The following CS variants were observed in gnomAD, a reference collection of about 807,000 sequenced individuals.
CS encodes citrate synthase, mitochondrial.
Under a neutral mutation model 61.4 loss-of-function variants are expected in CS, and 13 were observed. The ratio of observed to expected loss-of-function variants is 0.21; its 90% CI spans 0.14 to 0.34. The LOEUF (loss-of-function observed/expected upper bound fraction) is 0.34. Among genes scored for constraint, CS ranks in the 10% least tolerant of loss-of-function variants. The probability of loss-of-function intolerance (pLI) is 1.00; values close to 1 mark genes in which losing one functional copy is unlikely to be tolerated. For missense variants in CS, 278 were observed against 573.4 expected, an observed-to-expected ratio of 0.48 and a Z score of 5.26; for synonymous variants, 159 against 215.2, an observed-to-expected ratio of 0.74 and a Z score of 2.29.
At position 56,282,886 on chromosome 12, in the gene CS, T is replaced by C; in HGVS notation, c.373A>G (p.Thr125Ala). The change falls in exon 5 of 11, where the codon ACT (threonine) becomes GCT (alanine). Residue 125 changes from threonine (T) to alanine (A), a missense_variant. Coordinates refer to ENST00000351328, the MANE Select transcript of CS (RefSeq NM_004077.3). ...LPEGLFWLLV[T>A]GHIPTEEQVS... is the part of the protein sequence containing the mutation. ...TGTTCCTCTGTTGGGATATGTCCAG[T>C]TACCAGCAGCCAAAATAAGCCCTCA... 6.2e-7 allele frequency: 1 copy of C among 1,614,198 alleles called. No homozygotes were observed. Among genetic ancestry groups the C allele is most frequent in the Non-Finnish European group, 8.5e-7 (1 of 1,180,044 alleles).
chr12:56,297,989 A>AC (rs113382723), intron 1 of CS, among the ~76,000 whole-genome samples: 2,831 of 146,904 alleles, frequency 0.019, 37 homozygotes, highest in African/African-American at 0.036. Flanking sequence ...GGGCTTTGCT[A>AC]CCCCCCCCGC....
intron 6 of CS, among the ~76,000 whole-genome samples, chr12:56,277,019 G>GTCTCA (rs1426823828): frequency 6.6e-6 from 1 of 151,914 alleles, no homozygotes; most frequent in Non-Finnish European, 1.5e-5. Context: ...GGCCAACATG[G>GTCTCA]TGAAACCTGG....
chr12:56,275,589 AG>A (rs1466028121), intron 7 of CS: 2 of 182,732 alleles, frequency 1.1e-5, no homozygotes, highest in Non-Finnish European at 2.3e-5. Flanking sequence ...AAAAAAAAAA[AG>A]CATCCTAATC....
intron 1 of CS, chr12:56,298,698 G>T: frequency 1.0e-6 from 1 of 984,870 alleles, no homozygotes; most frequent in South Asian, 4.7e-5. Context: ...GTGCCTGGAA[G>T]AACCAAGGTA....
chr12:56,283,139 T>C, intron 4 of CS, 148 bp from the exon 5 acceptor site: 1 of 895,392 alleles, frequency 1.1e-6, no homozygotes, highest in Non-Finnish European at 1.7e-6. Context: ...GCTATGTTGC[T>C]CAGACTGGTC....
intron 7 of CS, 29 bp downstream of exon 7, chr12:56,275,967 A>G (rs778246075): frequency 6.2e-7 from 1 of 1,606,506 alleles, no homozygotes; most frequent in Non-Finnish European, 8.5e-7. Context: ...TGAGGCACCT[A>G]GTGGCTGTGG....
intron 1 of CS, 175 bp downstream of exon 1, chr12:56,299,985 G>A (rs943911839): frequency 1.3e-4 from 76 of 594,902 alleles, no homozygotes; most frequent in Middle Eastern, 4.6e-4. Context: ...GAGCCAGAAG[G>A]GAAGCGCGGC....
Position 56,271,948 on chromosome 12 carries a change from T to C in CS, c.*1136A>G. Reference sequence around the variant, plus strand: ...TGCTGAAAACCTGTGCAAATGGGGCTTCTGAAACATTGTACTGTGAGCTCT... The same window carrying C: ...TGCTGAAAACCTGTGCAAATGGGGCCTCTGAAACATTGTACTGTGAGCTCT... On this transcript the variant is annotated 3_prime_UTR_variant, in exon 11 of 11. Coordinates refer to ENST00000351328, the MANE Select transcript of CS (RefSeq NM_004077.3). 2.2e-6 allele frequency: 1 copy of C among 455,706 alleles called. No individual in the cohort carries two copies. The highest frequency in any genetic ancestry group is 4.4e-6 in the Non-Finnish European group (1 of 226,476). 28.2% of individuals were successfully genotyped at this position (455,706 alleles called of 1,614,324 possible).
chr12:56,283,535 G>A lies in CS; in HGVS notation c.267+257C>T, dbSNP rs575765894. On this transcript the variant is annotated intron_variant, in intron 4 of 10. Coordinates refer to ENST00000351328, the MANE Select transcript of CS (RefSeq NM_004077.3). ...TGGGATTACAGGTGTGAGCCACTGC[G>A]CCCAGTCCAGAACAGAACTTTAAAT... Among the ~76,000 whole-genome samples the A allele has an allele frequency of 3.9e-4, 59 of 152,262 alleles. 2 individuals carry two copies. The highest frequency in any genetic ancestry group is 3.7e-3 in the Admixed American group (56 of 15,276).
At chr12:56,277,416 G>A (rs896161071) in intron 6 of CS, among the ~76,000 whole-genome samples, 11 of 146,540 alleles carry the variant, frequency 7.5e-5, no homozygotes, top group South Asian at 2.2e-4. Flanking sequence ...GGAGAATGGC[G>A]TGAATCTGGC....
intron 1 of CS, among the ~76,000 whole-genome samples, chr12:56,298,217 C>G (rs2135928496): frequency 6.6e-6 from 1 of 152,130 alleles, no homozygotes; most frequent in Non-Finnish European, 1.5e-5. Flanking sequence ...AGGCTGGTCT[C>G]AAATTCCCGA....
chr12:56,275,112 C>T lies in CS; in HGVS notation c.808G>A (p.Val270Ile). 1 of 1,614,198 alleles carries T rather than the reference C, an allele frequency of 6.2e-7. No homozygotes were observed. Among genetic ancestry groups the T allele is most frequent in the Non-Finnish European group, 8.5e-7 (1 of 1,180,034 alleles). Residue 270 changes from valine to isoleucine, a missense_variant, in exon 8 of 11, where the codon GTA (valine) becomes ATA (isoleucine). Physicochemically the swap from Val to Ile is conservative, Grantham distance 29 (BLOSUM62 3). Around this residue, in one of 2 missense-constraint regions of CS, gnomAD observed 223 missense variants for 503.5 expected, o/e 0.44. Transcript: ENST00000351328. ...TIHSDHEGGNVSAHTSHLVGS... is the reference protein window; with the variant it reads ...TIHSDHEGGNISAHTSHLVGS... ...ACCAAATGGCTGGTATGGGCACTTACATTGCCACCCTCATGGTCACTGTGG... is the reference window on the plus strand; with the variant it reads ...ACCAAATGGCTGGTATGGGCACTTATATTGCCACCCTCATGGTCACTGTGG...
chr12:56,281,487 G>A (rs535030256), intron 6 of CS, among the ~76,000 whole-genome samples: 48 of 152,296 alleles, frequency 3.2e-4, no homozygotes, highest in Non-Finnish European at 6.6e-4. Flanking sequence ...CCGAGAACAT[G>A]ACTGACTGGC....
At chr12:56,286,340 G>T in intron 2 of CS, 1 of 534,578 alleles carries the variant, frequency 1.9e-6, no homozygotes, top group East Asian at 3.0e-5. Context: ...TTTATGTTAT[G>T]TATATTTTAC....
chr12:56,273,957 C>CAGA, intron 9 of CS, 161 bp from the exon 10 acceptor site: 1 of 644,454 alleles, frequency 1.6e-6, no homozygotes, highest in South Asian at 1.8e-5. Context: ...CTTCAGCCTC[C>CAGA]AGAGTAGCTG....
chr12:56,295,207 A>G (rs1386087896), intron 1 of CS, among the ~76,000 whole-genome samples: 2 of 151,978 alleles, frequency 1.3e-5, no homozygotes, highest in East Asian at 3.9e-4. Flanking sequence ...AATTATAGAC[A>G]TAAGCCATCA....
At chr12:56,285,367 T>C (rs1872911343) in intron 3 of CS, 1 of 289,842 alleles carries the variant, frequency 3.5e-6, no homozygotes, top group Non-Finnish European at 7.3e-6. Context: ...ACTGCAGCCC[T>C]GAACTCCTGG....
At chr12:56,282,743 ATTCCT>A in intron 5 of CS, 112 bp downstream of exon 5, 1 of 1,544,578 alleles carries the variant, frequency 6.5e-7, no homozygotes, top group Non-Finnish European at 8.8e-7. Flanking sequence ...AACTCTGCTG[ATTCCT>A]TCCCTTCACT....
chr12:56,275,998 G>A lies in CS; in HGVS notation c.786C>T (p.His262=). Residue 262 remains histidine (H), a splice_region_variant and synonymous_variant, in exon 7 of 11, where the codon CAC becomes CAT. Coordinates refer to ENST00000351328, the MANE Select transcript of CS (RefSeq NM_004077.3). Reference sequence around the variant, plus strand: ...TGTGGTTGCTGGGTCTAGCTTACCTGTGGATGGTGAGGTACAGGCGCGTGA... The same window carrying A: ...TGTGGTTGCTGGGTCTAGCTTACCTATGGATGGTGAGGTACAGGCGCGTGA... The part of the protein sequence containing the change: ...TELTRLYLTI[H]SDHEGGNVSA... 6.2e-7 allele frequency: 1 copy of A among 1,614,116 alleles called. No individual in the cohort carries two copies. Among genetic ancestry groups the A allele is most frequent in the Non-Finnish European group, 8.5e-7 (1 of 1,180,002 alleles).
Sources: allele counts gnomAD v4.1 joint callset (sites outside exome capture counted in the v4.1 genomes callset), GRCh38; gene constraint gnomAD v4.1.1; regional missense constraint gnomAD v4.1.1; transcripts MANE v1.5; gene names NCBI Gene and HGNC (gene_info 2026-07-23, HGNC 2026-07-21).